The following NEDD4L variants were observed in gnomAD, a reference collection of about 807,000 sequenced individuals.
NEDD4L encodes E3 ubiquitin-protein ligase NEDD4-like.
NEDD4L carries 54 observed loss-of-function variants against 148.9 expected under a neutral mutation model. The ratio of observed to expected loss-of-function variants is 0.36; its 90% CI spans 0.29 to 0.45. The LOEUF is 0.45. Ranked by LOEUF, NEDD4L falls within the 20% of genes least tolerant of loss-of-function variation. NEDD4L has a pLI of 1.00. For synonymous variants in NEDD4L, 433 were observed against 440.7 expected (o/e 0.98, Z 0.22); for missense variants, 856 against 1,233.8 (o/e 0.69, Z 4.59).
intron 2 of NEDD4L, among the ~76,000 whole-genome samples, chr18:58,226,693 C>T (rs564637954): frequency 6.6e-6 from 1 of 152,312 alleles, no homozygotes; most frequent in South Asian, 2.1e-4. Context: ...GTGCTAATAG[C>T]CTCGGCTCAC....
chr18:58,108,115 T>C (rs2085187501), intron 1 of NEDD4L, among the ~76,000 whole-genome samples: 1 of 152,168 alleles, frequency 6.6e-6, no homozygotes, highest in African/African-American at 2.4e-5. Context: ...TTTAGTTAGA[T>C]CTTGAGTGAA....
chr18:58,171,864 A>C (rs548578349), intron 2 of NEDD4L, among the ~76,000 whole-genome samples: 1 of 152,238 alleles, frequency 6.6e-6, no homozygotes, highest in South Asian at 2.1e-4. Flanking sequence ...GGTTAAGGGA[A>C]GCAAGCTCAA....
chr18:58,210,012 A>G (rs952026889), intron 2 of NEDD4L, among the ~76,000 whole-genome samples: 3 of 152,020 alleles, frequency 2.0e-5, no homozygotes, highest in Non-Finnish European at 4.4e-5. Context: ...CTAAAAAAAT[A>G]CAAATTTGGC....
At chr18:58,226,907 T>TAA (rs1055435883) in intron 2 of NEDD4L, among the ~76,000 whole-genome samples, 1 of 147,382 alleles carries the variant, frequency 6.8e-6, no homozygotes, top group African/African-American at 2.5e-5. Flanking sequence ...AGCCATCCGT[T>TAA]AAAAAAAAAA....
chr18:58,198,515 A>T (rs1458664737), intron 2 of NEDD4L, among the ~76,000 whole-genome samples: 2 of 152,106 alleles, frequency 1.3e-5, no homozygotes, highest in Admixed American at 6.6e-5. Flanking sequence ...CAGTGTTTCC[A>T]TGGTCCTCTA....
chr18:58,089,450 A>G (rs566595061), intron 1 of NEDD4L, among the ~76,000 whole-genome samples: 19 of 152,164 alleles, frequency 1.2e-4, no homozygotes, highest in East Asian at 5.8e-4. Flanking sequence ...TCATAATTCT[A>G]TCTTTCCATA....
intron 25 of NEDD4L, among the ~76,000 whole-genome samples, chr18:58,384,681 A>T (rs1023767973): frequency 1.3e-5 from 2 of 152,172 alleles, no homozygotes; most frequent in African/African-American, 4.8e-5. Flanking sequence ...CTGCTCCCTG[A>T]TACCTCTGCT....
chr18:58,280,367 G>C (rs2052850513), intron 5 of NEDD4L, among the ~76,000 whole-genome samples: 1 of 152,134 alleles, frequency 6.6e-6, no homozygotes, highest in Non-Finnish European at 1.5e-5. Flanking sequence ...GTGTAGGGAA[G>C]AGAGCACCAG....
intron 2 of NEDD4L, among the ~76,000 whole-genome samples, chr18:58,201,215 C>T (rs2041368765): frequency 6.6e-6 from 1 of 152,076 alleles, no homozygotes; most frequent in African/African-American, 2.4e-5. Flanking sequence ...TGCCTGTAAT[C>T]CCAGCTACTT....
chr18:58,389,327 G>A, intron 28 of NEDD4L, 135 bp downstream of exon 28: 1 of 617,698 alleles, frequency 1.6e-6, no homozygotes, highest in Non-Finnish European at 2.8e-6. Flanking sequence ...ACTGCTGGGG[G>A]AGGGAAGAGG....
intron 5 of NEDD4L, among the ~76,000 whole-genome samples, chr18:58,261,913 A>G (rs1716829222): frequency 6.6e-6 from 1 of 152,236 alleles, no homozygotes; most frequent in African/African-American, 2.4e-5. Flanking sequence ...GGAAATTCAT[A>G]GGTGGTGTTG....
chr18:58,170,302 A>G (rs1048505902), intron 2 of NEDD4L, among the ~76,000 whole-genome samples: 2 of 150,946 alleles, frequency 1.3e-5, no homozygotes, highest in African/African-American at 4.9e-5. Flanking sequence ...CCGCCTCATC[A>G]CCCCAGCCCA....
rs1196820903 is a variant in NEDD4L at position 58,248,911 on chromosome 18, A to G, written c.217A>G (p.Lys73Glu). 2 of 1,499,274 alleles carry G rather than the reference A, an allele frequency of 1.3e-6. No homozygotes were observed. Among genetic ancestry groups the G allele is most frequent in the Admixed American group, 4.0e-5 (2 of 50,594 alleles). The allele number at this position is 1,499,274 out of a possible 1,614,324, so 92.9% of individuals were successfully genotyped here. ...TKTIKKTLNP[K>E]WNEEFYFRVN... ...ATTTCTCTTCCAGACACTGAACCCA[A>G]AATGGAATGAAGAATTTTATTTCAG... The change falls in exon 4 of 31, where the codon AAA becomes GAA. Residue 73 changes from lysine to glutamate, a missense_variant. This residue lies in a region of NEDD4L where 193 missense variants were observed against 244.2 expected (regional missense o/e 0.79). Transcript: ENST00000400345.
At chr18:58,180,464 C>T (rs2038729116) in intron 2 of NEDD4L, among the ~76,000 whole-genome samples, 1 of 152,208 alleles carries the variant, frequency 6.6e-6, no homozygotes, top group African/African-American at 2.4e-5. Context: ...CCACATCGGC[C>T]CAGGGGCGTT....
Position 58,054,189 on chromosome 18 carries a change from A to G in NEDD4L, c.48+9481A>G, listed in dbSNP as rs1287773084. Reference sequence around the variant, plus strand: ...CTTTGCTTAGTAAGCACTCAGTACTATTTAGTAATGGGGAAAAAATGTGTT... The same window carrying G: ...CTTTGCTTAGTAAGCACTCAGTACTGTTTAGTAATGGGGAAAAAATGTGTT... On this transcript the variant is annotated intron_variant, in intron 1 of 30. Coordinates refer to ENST00000400345, the MANE Select transcript of NEDD4L (RefSeq NM_001144967.3). Among the ~76,000 whole-genome samples, 5 of 152,216 alleles carry G rather than the reference A, an allele frequency of 3.3e-5. No homozygotes were observed. The South Asian group carries it at 1.0e-3, about 32-fold the overall frequency.
chr18:58,105,195 C>G (rs997844292), intron 1 of NEDD4L, among the ~76,000 whole-genome samples: 1 of 152,202 alleles, frequency 6.6e-6, no homozygotes, highest in African/African-American at 2.4e-5. Context: ...TTTGAGAAAT[C>G]TGTCGGCAAG....
At chr18:58,345,940 G>A (rs1555830623) in intron 16 of NEDD4L, among the ~76,000 whole-genome samples, 2 of 98,432 alleles carry the variant, frequency 2.0e-5, no homozygotes, top group South Asian at 7.6e-4. Flanking sequence ...GTTTTTTTTA[G>A]CACAGACAGG....
intron 27 of NEDD4L, chr18:58,387,704 T>A: frequency 1.9e-6 from 1 of 523,664 alleles, no homozygotes; most frequent in Non-Finnish European, 3.0e-6. Flanking sequence ...AATGTAGGAG[T>A]AAGGAACAGC....
intron 1 of NEDD4L, among the ~76,000 whole-genome samples, chr18:58,075,486 A>G (rs762320219): frequency 5.9e-5 from 9 of 152,102 alleles, no homozygotes; most frequent in Non-Finnish European, 1.3e-4. Context: ...TGCTCGTTTC[A>G]TCACCCAAGC....
Sources: allele counts gnomAD v4.1 joint callset (sites outside exome capture counted in the v4.1 genomes callset), GRCh38; gene constraint gnomAD v4.1.1; regional missense constraint gnomAD v4.1.1; transcripts MANE v1.5; gene names NCBI Gene and HGNC (gene_info 2026-07-23, HGNC 2026-07-21).